The following TMEM41B variants were observed in gnomAD, a reference collection of about 807,000 sequenced individuals.
TMEM41B encodes transmembrane protein 41B, also known as protein stasimon.
Under a neutral mutation model 31.9 loss-of-function variants are expected in TMEM41B, and 18 were observed. The observed-to-expected ratio is 0.56, with a 90% CI of 0.39 to 0.84. TMEM41B has a LOEUF of 0.84. Ranked by LOEUF, TMEM41B falls within the 40% of genes least tolerant of loss-of-function variation. The pLI is 0.00. For synonymous variants in TMEM41B, 144 were observed against 124.3 expected (o/e 1.16, Z -1.05); for missense variants, 322 against 348.0 (o/e 0.93, Z 0.59).
At chr11:9,311,691 T>G in intron 1 of TMEM41B, 3 of 773,980 alleles carry the variant, frequency 3.9e-6, no homozygotes, top group Non-Finnish European at 7.0e-6. Context: ...ATTCCACATG[T>G]TTAGGTGTGT....
chr11:9,291,147 G>A (rs968920372), intron 3 of TMEM41B, among the ~76,000 whole-genome samples: 5 of 151,712 alleles, frequency 3.3e-5, no homozygotes, highest in East Asian at 3.9e-4. Flanking sequence ...AAGGCTGGGC[G>A]CGGTGGCTCA....
At chr11:9,291,603 T>C (rs1486900257) in intron 3 of TMEM41B, among the ~76,000 whole-genome samples, 1 of 151,822 alleles carries the variant, frequency 6.6e-6, no homozygotes, top group Non-Finnish European at 1.5e-5. Context: ...GGTTTCACCA[T>C]GTTGGCCAGG....
chr11:9,303,871 T>G (rs1853317171), intron 1 of TMEM41B, among the ~76,000 whole-genome samples: 1 of 152,182 alleles, frequency 6.6e-6, no homozygotes, highest in Admixed American at 6.6e-5. Flanking sequence ...TTTCACATTG[T>G]TGGCCAGGCT....
chr11:9,293,370 T>C (rs1853002847), intron 3 of TMEM41B, among the ~76,000 whole-genome samples: 1 of 152,196 alleles, frequency 6.6e-6, no homozygotes, highest in Admixed American at 6.6e-5. Context: ...CCCAAAGTGC[T>C]GGGATTACAG....
rs1333481837 is a variant in TMEM41B, at chr11:9,303,449, T to C, written c.122-3748A>G. On this transcript the variant is annotated intron_variant, in intron 1 of 6. Transcript: ENST00000528080. ...ATGAGTGTGCCCAGTCTGCAAAGCA[T>C]TTTAATATCTGTTTATAATTTACCT... Among the ~76,000 whole-genome samples the C allele has an allele frequency of 2.0e-5, 3 of 152,080 alleles. No individual in the cohort carries two copies. The East Asian group carries it at 5.8e-4, about 29-fold the overall frequency.
intron 1 of TMEM41B, among the ~76,000 whole-genome samples, chr11:9,307,634 G>A (rs1369898013): frequency 1.3e-5 from 2 of 151,428 alleles, no homozygotes; most frequent in African/African-American, 2.4e-5. Context: ...TAAAGATGGG[G>A]TTTCTCCATG....
At chr11:9,284,580 T>C (rs537072318) in intron 6 of TMEM41B, among the ~76,000 whole-genome samples, 13 of 152,008 alleles carry the variant, frequency 8.6e-5, no homozygotes, top group African/African-American at 2.2e-4. Context: ...CTGGCCAACA[T>C]GATGAAGCTC....
At chr11:9,291,148 C>T (rs1419666324) in intron 3 of TMEM41B, among the ~76,000 whole-genome samples, 3 of 151,758 alleles carry the variant, frequency 2.0e-5, no homozygotes, top group East Asian at 3.9e-4. Context: ...AGGCTGGGCG[C>T]GGTGGCTCAT....
At chr11:9,304,412 A>G (rs186658535) in intron 1 of TMEM41B, among the ~76,000 whole-genome samples, 1 of 152,326 alleles carries the variant, frequency 6.6e-6, no homozygotes, top group East Asian at 1.9e-4. Flanking sequence ...ATCAGGGTGT[A>G]CTAAATCCAA....
chr11:9,308,290 CTGAGA>C (rs1853450614), intron 1 of TMEM41B, among the ~76,000 whole-genome samples: 1 of 152,160 alleles, frequency 6.6e-6, no homozygotes, highest in Non-Finnish European at 1.5e-5. Flanking sequence ...TTGCAGTGAG[CTGAGA>C]TCACGCCACT....
chr11:9,286,434 A>G, intron 6 of TMEM41B, 21 bp downstream of exon 6: 1 of 1,600,724 alleles, frequency 6.2e-7, no homozygotes, highest in Non-Finnish European at 8.5e-7. Flanking sequence ...GCTCATACAC[A>G]GCAAGAACCA....
At chr11:9,298,596 T>A (rs1853158517) in intron 2 of TMEM41B, among the ~76,000 whole-genome samples, 1 of 151,634 alleles carries the variant, frequency 6.6e-6, no homozygotes, top group Non-Finnish European at 1.5e-5. Flanking sequence ...TAAAACCCCA[T>A]CTCTACTAAA....
At chr11:9,299,276 C>T (rs1333119948) in intron 2 of TMEM41B, among the ~76,000 whole-genome samples, 1 of 68,428 alleles carries the variant, frequency 1.5e-5, no homozygotes, top group Non-Finnish European at 2.5e-5. Context: ...GGGCAAGACT[C>T]TGTCTCAAAA....
intron 3 of TMEM41B, among the ~76,000 whole-genome samples, chr11:9,294,788 C>T (rs1469679931): frequency 6.6e-6 from 1 of 151,482 alleles, no homozygotes; most frequent in East Asian, 1.9e-4. Context: ...AGAATTTTTA[C>T]AAAAGAAACA....
chr11:9,301,223 A>G (rs909152347), intron 1 of TMEM41B, among the ~76,000 whole-genome samples: 2 of 151,280 alleles, frequency 1.3e-5, no homozygotes, highest in African/African-American at 2.4e-5. Flanking sequence ...GTGAACCCCC[A>G]TCTCTACTAA....
chr11:9,298,525 G>A (rs1354424421), intron 2 of TMEM41B, among the ~76,000 whole-genome samples: 1 of 151,794 alleles, frequency 6.6e-6, no homozygotes, highest in Non-Finnish European at 1.5e-5. Flanking sequence ...AGTACTTTGG[G>A]AGGACAAGGT....
In TMEM41B at chr11:9,287,749, C is replaced by G; in HGVS notation, c.520G>C (p.Val174Leu). 1 of 1,613,658 alleles carries G rather than the reference C, an allele frequency of 6.2e-7. No homozygotes were observed. The highest frequency in any genetic ancestry group is 8.5e-7 in the Non-Finnish European group (1 of 1,179,902). The change falls in exon 5 of 7, where the codon GTT becomes CTT. Residue 174 changes from valine (V) to leucine (L), a missense_variant. This residue lies in a region of TMEM41B where 47 missense variants were observed against 84.8 expected (regional missense o/e 0.55). Coordinates refer to ENST00000528080, the MANE Select transcript of TMEM41B (RefSeq NM_015012.4). ...YMLSYLVGRP[V>L]VYKYLTEKAV... Reference sequence around the variant, plus strand: ...TTCTCTGTTAGGTATTTGTATACAACTGGTCTCCCAACTAAATAGGAAAGC... The same window carrying G: ...TTCTCTGTTAGGTATTTGTATACAAGTGGTCTCCCAACTAAATAGGAAAGC...
rs911647549 is a variant in TMEM41B, at chr11:9,283,341, G to A, written c.*83C>T. 2.9e-6 allele frequency: 3 copies of A among 1,044,156 alleles called. No individual in the cohort carries two copies. The highest frequency in any genetic ancestry group is 4.1e-6 in the Non-Finnish European group (3 of 726,072). The allele number at this position is 1,044,156 out of a possible 1,614,324, so 64.7% of individuals were successfully genotyped here. ...ACAAATTCCTTGTTTAATTACTGAAGAGGTGATTTTAAAACATAAATGGAT... is the reference window on the plus strand; with the variant it reads ...ACAAATTCCTTGTTTAATTACTGAAAAGGTGATTTTAAAACATAAATGGAT... On this transcript the variant is annotated 3_prime_UTR_variant, in exon 7 of 7. Transcript: ENST00000528080.
At chr11:9,313,084 T>C (rs1590393825) in intron 1 of TMEM41B, among the ~76,000 whole-genome samples, 1 of 152,210 alleles carries the variant, frequency 6.6e-6, no homozygotes, top group Admixed American at 6.5e-5. Flanking sequence ...AGGGATGCCC[T>C]ATCTGGAACA....
Sources: gnomAD v4.1 joint callset for allele counts (sites outside exome capture counted in the v4.1 genomes callset) on GRCh38, gnomAD v4.1.1 for gene constraint, gnomAD v4.1.1 regional missense constraint, MANE v1.5 for transcripts, NCBI Gene and HGNC (gene_info 2026-07-23, HGNC 2026-07-21) for gene names.